The following PCDHGA3 variants were observed in gnomAD, a reference collection of about 807,000 sequenced individuals.
PCDHGA3 encodes protocadherin gamma-A3.
In PCDHGA3, 40 loss-of-function variants were observed where a neutral mutation model predicts 58.5. That is an observed-to-expected ratio of 0.68 (90% CI 0.53 to 0.89). PCDHGA3 has a LOEUF of 0.89. Among genes scored for constraint, PCDHGA3 ranks in the 40% least tolerant of loss-of-function variants. The pLI, the probability that PCDHGA3 is intolerant of heterozygous loss-of-function variation, is 0.00. For missense variants in PCDHGA3, 1,223 were observed against 1,195.9 expected, an observed-to-expected ratio of 1.02 and a Z score of -0.33; for synonymous variants, 530 against 525.7, an observed-to-expected ratio of 1.01 and a Z score of -0.11.
At chr5:141,408,791 G>C (rs1260366830) in intron 1 of PCDHGA3, 1 of 1,612,540 alleles carries the variant, frequency 6.2e-7, no homozygotes, top group East Asian at 2.2e-5. Context: ...GTTATCTCTG[G>C]AGAAACTCCT....
intron 1 of PCDHGA3, chr5:141,409,895 C>T (rs928044268): frequency 2.5e-6 from 4 of 1,613,098 alleles, no homozygotes; most frequent in Non-Finnish European, 3.4e-6. Flanking sequence ...GGTGCTGTAC[C>T]CAGCTCTGGG....
At position 141,432,032 on chromosome 5, in the gene PCDHGA3, A is replaced by G; in HGVS notation, c.2425-62775A>G. On this transcript the variant is annotated intron_variant, in intron 1 of 3. Coordinates refer to ENST00000253812, the MANE Select transcript of PCDHGA3 (RefSeq NM_018916.4). The surrounding 1 kb of genome is among the most constrained non-coding windows in gnomAD (Gnocchi z 6.0). ...TAGCTACAACATCACAGTGACCGCC[A>G]CTGACCGGGGAACCCCGCCCCTATC... 2 of 1,614,242 alleles carry G rather than the reference A, an allele frequency of 1.2e-6. No homozygotes were observed. Among genetic ancestry groups the G allele is most frequent in the South Asian group, 1.1e-5 (1 of 91,086 alleles).
At chr5:141,390,123 C>T in intron 1 of PCDHGA3, 1 of 1,614,008 alleles carries the variant, frequency 6.2e-7, no homozygotes, top group Non-Finnish European at 8.5e-7. Context: ...GGGGACTTTG[C>T]CTTATTCCTA....
chr5:141,466,766 T>G (rs1309395984), intron 1 of PCDHGA3, among the ~76,000 whole-genome samples: 2 of 152,194 alleles, frequency 1.3e-5, no homozygotes, highest in Non-Finnish European at 2.9e-5. Context: ...TTTCAAACTG[T>G]TATCTTATTC....
intron 1 of PCDHGA3, chr5:141,400,298 A>G (rs2093998591): frequency 6.2e-7 from 1 of 1,613,974 alleles, no homozygotes; most frequent in Non-Finnish European, 8.5e-7. Context: ...AGCTGCTTCC[A>G]ACCTGGTCTC....
At chr5:141,495,392 G>A (rs2099760968) in intron 2 of PCDHGA3, among the ~76,000 whole-genome samples, 2 of 152,186 alleles carry the variant, frequency 1.3e-5, no homozygotes, top group Non-Finnish European at 2.9e-5. Context: ...GGCGGGGCAT[G>A]GAGCAGGCCC....
At chr5:141,505,336 G>T in intron 2 of PCDHGA3, 57 bp from the exon 3 acceptor site, 2 of 1,611,372 alleles carry the variant, frequency 1.2e-6, no homozygotes, top group Non-Finnish European at 1.7e-6. Context: ...GAGGACAGGA[G>T]GGGCATGAGC....
Position 141,388,205 on chromosome 5 carries a change from G to T in PCDHGA3, c.2424+41748G>T, listed in dbSNP as rs2091277297. 6.3e-7 allele frequency: 1 copy of T among 1,578,264 alleles called. No homozygotes were observed. ...AGCCAGCTTGTGCTCTGGAATTTGA[G>T]GCTGTTGCTGAAAATCCACTGAACT... On this transcript the variant is annotated intron_variant, in intron 1 of 3. Transcript: ENST00000253812.
At chr5:141,460,465 AAAGG>A (rs2098989932) in intron 1 of PCDHGA3, among the ~76,000 whole-genome samples, 1 of 152,088 alleles carries the variant, frequency 6.6e-6, no homozygotes, top group Non-Finnish European at 1.5e-5. Context: ...ATTTTTTTCC[AAAGG>A]AATATCCAAT....
chr5:141,350,158 C>T (rs1758419902), intron 1 of PCDHGA3: 2 of 1,055,330 alleles, frequency 1.9e-6, no homozygotes. Context: ...CCCTCGAGCG[C>T]CTAACTAATA....
At chr5:141,481,813 G>C (rs185558948) in intron 1 of PCDHGA3, among the ~76,000 whole-genome samples, 1 of 151,824 alleles carries the variant, frequency 6.6e-6, no homozygotes, top group African/African-American at 2.4e-5. Flanking sequence ...TTCACCAGGC[G>C]TGGTGGCTGA....
rs200715621 is a variant in PCDHGA3 at position 141,432,628 on chromosome 5, G to A, written c.2425-62179G>A. 3.2e-4 allele frequency: 515 copies of A among 1,611,902 alleles called. No individual in the cohort carries two copies. Among genetic ancestry groups the A allele is most frequent in the Non-Finnish European group, 4.2e-4 (497 of 1,179,404 alleles). On this transcript the variant is annotated intron_variant, in intron 1 of 3. Coordinates refer to ENST00000253812, the MANE Select transcript of PCDHGA3 (RefSeq NM_018916.4). The surrounding 1 kb of genome is among the most constrained non-coding windows in gnomAD (Gnocchi z 6.0). ...GACTCTTCTCGGTGGGTCTGCACAC[G>A]GGCGAGGTGCGCACGGCGCGAGCCC...
chr5:141,454,857 G>C (rs1365819097), intron 1 of PCDHGA3, among the ~76,000 whole-genome samples: 2 of 131,566 alleles, frequency 1.5e-5, no homozygotes, highest in African/African-American at 6.0e-5. Context: ...ACCCAGGCTG[G>C]AGTGCAGTGG....
At position 141,346,242 on chromosome 5, in the gene PCDHGA3, G is replaced by A. The variant is rs774242856; in HGVS notation, c.2209G>A (p.Gly737Ser). Residue 737 changes from glycine (G) to serine (S), a missense_variant, in exon 1 of 4, where the codon GGC becomes AGC. Gly to Ser is a moderately conservative substitution (Grantham distance 56, BLOSUM62 0). Transcript: ENST00000253812. ...ASGGGLASTP[G>S]SHFVGADGVR... ...GGGAGGCGGCTTGGCGAGTACGCCC[G>A]GCTCGCACTTTGTGGGCGCGGACGG... The A allele has an allele frequency of 2.2e-5, 35 of 1,614,062 alleles. No individual in the cohort carries two copies. Among genetic ancestry groups the A allele is most frequent in the African/African-American group, 2.7e-5 (2 of 74,926 alleles).
chr5:141,413,002 G>A, intron 1 of PCDHGA3: 2 of 597,506 alleles, frequency 3.3e-6, no homozygotes, highest in East Asian at 3.0e-5. Context: ...GGATTCTCAG[G>A]GCTTCAACTA....
chr5:141,382,838 A>C (rs1040102322), intron 1 of PCDHGA3: 1 of 1,445,878 alleles, frequency 6.9e-7, no homozygotes, highest in Non-Finnish European at 9.3e-7. Flanking sequence ...GTCCACCCGG[A>C]TACACCCGCA....
intron 1 of PCDHGA3, chr5:141,374,429 C>A: frequency 6.2e-7 from 1 of 1,613,972 alleles, no homozygotes. Context: ...TAAACTGAAT[C>A]TTTATCCCGT....
At chr5:141,433,289 G>C in intron 1 of PCDHGA3, 1 of 1,130,682 alleles carries the variant, frequency 8.8e-7, no homozygotes, top group Non-Finnish European at 1.3e-6. Context: ...AAACTCCTAG[G>C]CTCAAGCAAT....
chr5:141,507,901 G>T (rs1332204823), intron 3 of PCDHGA3, among the ~76,000 whole-genome samples: 1 of 152,216 alleles, frequency 6.6e-6, no homozygotes, highest in Non-Finnish European at 1.5e-5. Flanking sequence ...CTGAAGTCCA[G>T]CCCAGCCAGG....
Sources: gnomAD v4.1 joint callset for allele counts (sites outside exome capture counted in the v4.1 genomes callset) on GRCh38, gnomAD v4.1.1 for gene constraint, Gnocchi (gnomAD v3.1) non-coding constraint, MANE v1.5 for transcripts, NCBI Gene and HGNC (gene_info 2026-07-23, HGNC 2026-07-21) for gene names.